The following STK3 variants were observed in gnomAD, a reference collection of about 807,000 sequenced individuals.
The protein encoded by STK3 is serine/threonine kinase 3, also known as serine/threonine-protein kinase 3.
Under a neutral mutation model 58.0 loss-of-function variants are expected in STK3, and 41 were observed. The ratio of observed to expected loss-of-function variants is 0.71; its 90% CI spans 0.55 to 0.92. STK3 has a LOEUF of 0.92. STK3 is among the 40% of genes least tolerant of loss of function. The pLI is 0.00. For synonymous variants in STK3, 170 were observed against 191.0 expected (o/e 0.89, Z 0.91); for missense variants, 479 against 602.7 (o/e 0.79, Z 2.15).
intron 1 of STK3, among the ~76,000 whole-genome samples, chr8:98,936,872 G>T (rs1427170100): frequency 6.6e-6 from 1 of 152,254 alleles, no homozygotes; most frequent in Non-Finnish European, 1.5e-5. Context: ...CACTTGCAAA[G>T]CATGGGCCAG....
At chr8:98,651,033 GCCT>G (rs994629765) in intron 6 of STK3, among the ~76,000 whole-genome samples, 1 of 152,248 alleles carries the variant, frequency 6.6e-6, no homozygotes, top group African/African-American at 2.4e-5. Context: ...CGGGCAGACT[GCCT>G]CCTCAAGTGG....
chr8:98,702,307 C>G (rs191020317), intron 6 of STK3, among the ~76,000 whole-genome samples: 1 of 152,118 alleles, frequency 6.6e-6, no homozygotes, highest in Non-Finnish European at 1.5e-5. Flanking sequence ...AACAAATGAC[C>G]TCAGACTTAA....
intron 4 of STK3, among the ~76,000 whole-genome samples, chr8:98,724,282 C>G (rs1452211704): frequency 6.6e-6 from 1 of 152,170 alleles, no homozygotes; most frequent in East Asian, 1.9e-4. Flanking sequence ...CCAGCCTCGA[C>G]CATCTACCTT....
At chr8:98,908,962 C>G (rs529964769) in intron 1 of STK3, among the ~76,000 whole-genome samples, 4 of 150,944 alleles carry the variant, frequency 2.6e-5, no homozygotes, top group Non-Finnish European at 4.4e-5. Flanking sequence ...TCAAGACCAG[C>G]CTGGCCAAGA....
At chr8:98,634,219 A>C (rs774192960) in intron 6 of STK3, among the ~76,000 whole-genome samples, 7 of 152,164 alleles carry the variant, frequency 4.6e-5, no homozygotes, top group Non-Finnish European at 1.0e-4. Flanking sequence ...TGGGCCAGGC[A>C]CAGTGGCCTG....
At chr8:98,793,911 T>C (rs972511887) in intron 1 of STK3, among the ~76,000 whole-genome samples, 4 of 151,922 alleles carry the variant, frequency 2.6e-5, no homozygotes, top group African/African-American at 9.7e-5. Context: ...AACCACATAA[T>C]TACATGGAAA....
At chr8:98,827,310 G>A (rs192127605), upstream of STK3, among the ~76,000 whole-genome samples, 1,157 of 152,220 alleles carry the variant, frequency 7.6e-3, 13 homozygotes, top group African/African-American at 0.025. Context: ...CTCCAGCCTG[G>A]GTGACAGAGC....
the STK3 span, among the ~76,000 whole-genome samples, chr8:98,351,407 T>C: frequency 2.6e-5 from 4 of 152,324 alleles, no homozygotes; most frequent in East Asian, 5.8e-4. Context: ...TTTTTGGTCA[T>C]AATAATGATG....
intron 8 of STK3, among the ~76,000 whole-genome samples, chr8:98,568,663 A>G (rs190694833): frequency 6.6e-6 from 1 of 152,214 alleles, no homozygotes; most frequent in African/African-American, 2.4e-5. Flanking sequence ...ACTCAAAATA[A>G]TAATAATGAA....
rs1324027173 is a variant in STK3 at position 98,764,815 on chromosome 8, A to C, written c.236+2428T>G. On this transcript the variant is annotated intron_variant, in intron 3 of 10. Coordinates refer to ENST00000419617, the MANE Select transcript of STK3 (RefSeq NM_006281.4). ...AGAGAATACAAGTAAACAGGCACTT[A>C]AAAGAGAAACTCAGGTAAGAGACTG... Among the ~76,000 whole-genome samples, 3 of 152,186 alleles carry C rather than the reference A, an allele frequency of 2.0e-5. No homozygotes were observed. In the South Asian group the frequency reaches 6.2e-4, roughly 31 times the overall value.
Position 98,547,991 on chromosome 8 carries a change from T to TTCC in STK3, c.1116_1118dup (p.Glu375dup), listed in dbSNP as rs1452688386. ...TACTTTTCATAGTTCCATCTTCTTC[T>TTCC]TCCTCATCCTCACTGTTTATCACCA... is the stretch of plus-strand genomic sequence containing the variant. On this transcript the variant is annotated inframe_insertion, in exon 9 of 11. Transcript: ENST00000419617. 5 of 1,593,302 alleles carry TTCC rather than the reference T, an allele frequency of 3.1e-6. No homozygotes were observed. The South Asian group carries it at 5.8e-5, about 18-fold the overall frequency.
rs1474837833 is a variant in STK3, at chr8:98,800,722, T to C, written c.26+24793A>G. Among the ~76,000 whole-genome samples, 1 of 152,170 alleles carries C rather than the reference T, an allele frequency of 6.6e-6. No homozygotes were observed. On this transcript the variant is annotated intron_variant, in intron 1 of 10. Coordinates refer to ENST00000419617, the MANE Select transcript of STK3 (RefSeq NM_006281.4). The surrounding 1 kb of genome is among the most constrained non-coding windows in gnomAD (Gnocchi z 4.8). ...CGCCAGCCCTGGGCAGTGAAGGGCT[T>C]AGCACCCGGGCCAGCAGCTGCGGAA...
intron 6 of STK3, among the ~76,000 whole-genome samples, chr8:98,641,225 C>G (rs911762242): frequency 6.6e-6 from 1 of 152,054 alleles, no homozygotes; most frequent in Non-Finnish European, 1.5e-5. Context: ...CTTTTATTTC[C>G]ATTTTTCTCT....
At chr8:98,410,235 A>T (rs1471982326) in intron 3 of STK3, among the ~76,000 whole-genome samples, 1 of 152,158 alleles carries the variant, frequency 6.6e-6, no homozygotes, top group Admixed American at 6.5e-5. Context: ...AGCAGCGGAA[A>T]CACTAAATGC....
chr8:98,373,719 A>G (rs1458275210), intron 2 of STK3, among the ~76,000 whole-genome samples: 1 of 152,178 alleles, frequency 6.6e-6, no homozygotes, highest in Non-Finnish European at 1.5e-5. Flanking sequence ...ACAAAAGGTA[A>G]TATCTGCTTC....
At chr8:98,914,066 A>AC (rs893837896) in intron 1 of STK3, among the ~76,000 whole-genome samples, 73 of 152,134 alleles carry the variant, frequency 4.8e-4, no homozygotes, top group Non-Finnish European at 8.1e-4. Flanking sequence ...AAAAAAAAAA[A>AC]CAAAAACCCG....
chr8:98,558,804 T>TA (rs1811793488), intron 8 of STK3, among the ~76,000 whole-genome samples: 1 of 152,086 alleles, frequency 6.6e-6, no homozygotes, highest in African/African-American at 2.4e-5. Context: ...TTTTAATACA[T>TA]AAATTGTATT....
At chr8:98,766,630 G>A (rs1171365357) in intron 3 of STK3, among the ~76,000 whole-genome samples, 1 of 152,114 alleles carries the variant, frequency 6.6e-6, no homozygotes, top group African/African-American at 2.4e-5. Context: ...TGCTCAGACT[G>A]GCCTTGAACT....
rs1022486621 is a variant in STK3 at position 98,638,119 on chromosome 8, G to T, written c.685-41950C>A. On this transcript the variant is annotated intron_variant, in intron 6 of 10. Coordinates refer to ENST00000419617, the MANE Select transcript of STK3 (RefSeq NM_006281.4). ...AGTTATAATGTAACTAAGTTAAAAT[G>T]TACATATAATCATAATTTGATATCA... 4.4e-4 allele frequency among the ~76,000 whole-genome samples: 67 copies of T among 152,012 alleles called. 1 individual carries two copies. The highest frequency in any genetic ancestry group is 8.7e-4 in the Non-Finnish European group (59 of 67,982).
Sources: allele counts gnomAD v4.1 joint callset (sites outside exome capture counted in the v4.1 genomes callset), GRCh38; gene constraint gnomAD v4.1.1; non-coding constraint Gnocchi (gnomAD v3.1); transcripts MANE v1.5; gene names NCBI Gene and HGNC (gene_info 2026-07-23, HGNC 2026-07-21).